Variants in ITGA7 observed in about 807,000 individuals in gnomAD.
ITGA7 encodes the protein integrin subunit alpha 7, also known as integrin alpha-7.
In ITGA7, 84 loss-of-function variants were observed where a neutral mutation model predicts 131.6. The observed-to-expected ratio is 0.64, with a 90% CI of 0.54 to 0.77. ITGA7 has a LOEUF of 0.77. Ranked by LOEUF, ITGA7 falls within the 30% of genes least tolerant of loss-of-function variation. The probability of loss-of-function intolerance (pLI) is 0.00; values close to 1 mark genes in which losing one functional copy is unlikely to be tolerated. For missense variants in ITGA7, 1,399 were observed against 1,482.9 expected (o/e 0.94, Z 0.93); for synonymous variants, 548 against 600.7 (o/e 0.91, Z 1.28).
chr12:55,698,095 C>A, intron 7 of ITGA7, 69 bp from the exon 8 acceptor site: 1 of 1,362,790 alleles, frequency 7.3e-7, no homozygotes, highest in Non-Finnish European at 1.1e-6. Flanking sequence ...GGCCTCAACT[C>A]CCCCCAGTCA....
At chr12:55,706,592 G>A (rs1875236856) in intron 1 of ITGA7, among the ~76,000 whole-genome samples, 1 of 152,094 alleles carries the variant, frequency 6.6e-6, no homozygotes. Flanking sequence ...CAGACATGTA[G>A]CAAGAGCCAA....
At chr12:55,698,283 C>T (rs1262201379) in intron 7 of ITGA7, 100 bp downstream of exon 7, 1 of 1,133,654 alleles carries the variant, frequency 8.8e-7, no homozygotes, top group East Asian at 2.6e-5. Flanking sequence ...GGGACCCTCT[C>T]TCCCTGAGTC....
In ITGA7 at chr12:55,707,820, G is replaced by GGCCCGGCC; in HGVS notation, c.-139_-138insGGCCGGGC. On this transcript the variant is annotated 5_prime_UTR_variant, in exon 1 of 25. Coordinates refer to ENST00000257879, the MANE Select transcript of ITGA7 (RefSeq NM_002206.3). Reference sequence around the variant, plus strand: ...CGTCTCCCAGACGTTCGCCCCGCCAGCCCTCCCGCCCGCCCGCCGCTCCGC... The same window carrying GGCCCGGCC: ...CGTCTCCCAGACGTTCGCCCCGCCAGGCCCGGCCCCCTCCCGCCCGCCCGCCGCTCCGC... The GGCCCGGCC allele has an allele frequency of 2.0e-5, 29 of 1,455,712 alleles. No individual in the cohort carries two copies. The highest frequency in any genetic ancestry group is 2.6e-5 in the Non-Finnish European group (29 of 1,102,436). 90.2% of individuals were successfully genotyped at this position (1,455,712 alleles called of 1,614,324 possible).
chr12:55,688,952 G>A lies in ITGA7; in HGVS notation c.2850C>T (p.Cys950=), dbSNP rs374984482. The A allele has an allele frequency of 3.1e-6, 5 of 1,613,360 alleles. No homozygotes were observed. The highest frequency in any genetic ancestry group is 2.2e-5 in the East Asian group (1 of 44,876). Residue 950 remains cysteine, a synonymous_variant, in exon 22 of 25, where the codon TGC becomes TGT. Transcript: ENST00000257879. ...AEKKKNITLD[C]ARGTANCVVF... ...CCACACAGTTGGCCGTGCCCCGGGC[G>A]CAGTCCTAGGGATAAGGACAGACAG... is the stretch of plus-strand genomic sequence containing the variant.
Position 55,699,915 on chromosome 12 carries a change from G to C in ITGA7, c.745C>G (p.Arg249Gly), listed in dbSNP as rs779668899. 6.2e-7 allele frequency: 1 copy of C among 1,613,568 alleles called. No homozygotes were observed. Residue 249 changes from arginine (R) to glycine (G), a missense_variant, in exon 5 of 25, where the codon CGG (arginine) becomes GGG (glycine). Transcript: ENST00000257879. ...AAGTCTCCGGCTGGTCCTGGGAGCC[G>C]GTCAGCAGGGTCCAAAGTTTTATAC... ...LVYKTLDPAD[R>G]LPGPAGDLAL...
At chr12:55,716,101 G>A (rs371945460), upstream of ITGA7, 4 of 1,598,124 alleles carry the variant, frequency 2.5e-6, no homozygotes, top group African/African-American at 2.7e-5. Flanking sequence ...AGCCGGAGGG[G>A]GCCCGGCGTA....
intron 3 of ITGA7, among the ~76,000 whole-genome samples, chr12:55,701,763 T>G (rs1249161848): frequency 6.6e-6 from 1 of 152,060 alleles, no homozygotes; most frequent in Non-Finnish European, 1.5e-5. Flanking sequence ...TTTTATTTTT[T>G]ATAAAGATGA....
chr12:55,697,361 A>C, intron 10 of ITGA7, 84 bp from the exon 11 acceptor site: 1 of 1,584,008 alleles, frequency 6.3e-7, no homozygotes. Flanking sequence ...ACATCCTGTC[A>C]CAGCCCCAGC....
intron 7 of ITGA7, 161 bp from the exon 8 acceptor site, chr12:55,698,187 T>C: frequency 1.2e-6 from 1 of 829,910 alleles, no homozygotes; most frequent in Non-Finnish European, 1.9e-6. Flanking sequence ...TCTTGGCCAC[T>C]CCCTGCAGAT....
chr12:55,696,465 C>G, intron 12 of ITGA7, 33 bp from the exon 13 acceptor site: 1 of 1,580,152 alleles, frequency 6.3e-7, no homozygotes, highest in Non-Finnish European at 8.6e-7. Flanking sequence ...CTCACTGGAA[C>G]AATCCCCAGG....
intron 10 of ITGA7, 51 bp downstream of exon 10, chr12:55,697,400 G>A (rs1872873143): frequency 6.3e-7 from 1 of 1,586,988 alleles, no homozygotes; most frequent in Non-Finnish European, 8.6e-7. Context: ...AGGATCAAAG[G>A]GAGGGCAGGG....
chr12:55,707,414 G>T, intron 1 of ITGA7, 63 bp downstream of exon 1: 2 of 1,337,324 alleles, frequency 1.5e-6, no homozygotes, highest in Non-Finnish European at 2.1e-6. Flanking sequence ...GAGGCCCACA[G>T]AGTGGGGAGG....
intron 1 of ITGA7, among the ~76,000 whole-genome samples, chr12:55,706,587 A>T (rs942540056): frequency 3.9e-5 from 6 of 152,182 alleles, no homozygotes; most frequent in African/African-American, 1.2e-4. Flanking sequence ...ACAATCAGAC[A>T]TGTAGCAAGA....
chr12:55,691,358 A>C (rs1871379317), intron 21 of ITGA7, among the ~76,000 whole-genome samples: 1 of 151,996 alleles, frequency 6.6e-6, no homozygotes, highest in African/African-American at 2.4e-5. Flanking sequence ...GTCAAAAGAT[A>C]CAAAGTTTCA....
Position 55,698,008 on chromosome 12 carries a change from G to C in ITGA7, c.1211C>G (p.Pro404Arg). ...DGFPDIAVGA[P>R]FDGDGKVFIY... ...GAAGACTTTCCCATCACCATCAAAG[G>C]GGGCACCCACTGCAATATCTGCAGG... The change falls in exon 8 of 25, where the codon CCC becomes CGC. Residue 404 changes from proline (P) to arginine (R), a missense_variant. Coordinates refer to ENST00000257879, the MANE Select transcript of ITGA7 (RefSeq NM_002206.3). 1 of 1,614,102 alleles carries C rather than the reference G, an allele frequency of 6.2e-7. No individual in the cohort carries two copies. Among genetic ancestry groups the C allele is most frequent in the Non-Finnish European group, 8.5e-7 (1 of 1,180,020 alleles).
In ITGA7 at chr12:55,703,123, T is replaced by C. The variant is rs770291598; in HGVS notation, c.262A>G (p.Thr88Ala). 6.2e-7 allele frequency: 1 copy of C among 1,613,696 alleles called. No individual in the cohort carries two copies. The highest frequency in any genetic ancestry group is 2.2e-5 in the East Asian group (1 of 44,860). The stretch of plus-strand genomic sequence containing the variant: ...AACGGGCAAGCGAAGAGGCCTCCAG[T>C]GCGATTCGCCTGCTGCCCAGGAAGA... ...LALPGQQANR[T>A]GGLFACPLSL... The change falls in exon 2 of 25, where the codon ACT (threonine) becomes GCT (alanine). Residue 88 changes from threonine (T) to alanine (A), a missense_variant. Coordinates refer to ENST00000257879, the MANE Select transcript of ITGA7 (RefSeq NM_002206.3).
intron 1 of ITGA7, among the ~76,000 whole-genome samples, chr12:55,706,281 C>T (rs1025130854): frequency 6.6e-6 from 1 of 152,090 alleles, no homozygotes; most frequent in African/African-American, 2.4e-5. Flanking sequence ...AGATGAAGTC[C>T]GTTGCTTTCT....
In ITGA7 at chr12:55,701,116, G is replaced by A; in HGVS notation, c.453C>T (p.Asp151=). The A allele has an allele frequency of 3.1e-6, 5 of 1,614,226 alleles. No individual in the cohort carries two copies. Among genetic ancestry groups the A allele is most frequent in the South Asian group, 2.2e-5 (2 of 91,086 alleles). ...AHRYEARQRV[D]QILETRDMIG... The stretch of plus-strand genomic sequence containing the variant: ...TCATATCCCGCGTCTCCAGGATCTG[G>A]TCCACTCGCTGCCTTGCCTCATATC... The change falls in exon 4 of 25, where the codon GAC becomes GAT. Residue 151 remains aspartate (D), a synonymous_variant. Coordinates refer to ENST00000257879, the MANE Select transcript of ITGA7 (RefSeq NM_002206.3).
chr12:55,696,559 T>G, intron 12 of ITGA7, 127 bp from the exon 13 acceptor site: 1 of 1,025,394 alleles, frequency 9.8e-7, no homozygotes, highest in Non-Finnish European at 1.5e-6. Context: ...ATGAGAGAGG[T>G]GGAGAACTGA....
Sources: gnomAD v4.1 joint callset for allele counts (sites outside exome capture counted in the v4.1 genomes callset) on GRCh38, gnomAD v4.1.1 for gene constraint, MANE v1.5 for transcripts, NCBI Gene and HGNC (gene_info 2026-07-23, HGNC 2026-07-21) for gene names.